RBM15B: variants seen among roughly 807,000 people sequenced by gnomAD.
RBM15B encodes putative RNA-binding protein 15B.
Under a neutral mutation model 53.3 loss-of-function variants are expected in RBM15B, and 11 were observed. The observed-to-expected ratio is 0.21, with a 90% CI of 0.13 to 0.34. The LOEUF is 0.34. Among genes scored for constraint, RBM15B ranks in the 10% least tolerant of loss-of-function variants. The pLI, the probability that RBM15B is intolerant of heterozygous loss-of-function variation, is 1.00. For synonymous variants in RBM15B, 631 were observed against 540.7 expected (o/e 1.17, Z -2.32); for missense variants, 1,136 against 1,250.3 (o/e 0.91, Z 1.38).
Position 51,392,086 on chromosome 3 carries a change from T to TAGC in RBM15B, c.697_699dup (p.Ser233dup), listed in dbSNP as rs782380468. ...GCGGCGGCGGGAGCAGTCGGCGAAG[T>TAGC]AGCAGCAGCAGCGCCGCCGCTTCCA... On this transcript the variant is annotated inframe_insertion, in exon 1 of 1. Transcript: ENST00000563281. This position sits in a 1 kb window ranked among gnomAD's most constrained non-coding sequence, Gnocchi z 7.5. The TAGC allele has an allele frequency of 1.9e-6, 3 of 1,551,556 alleles. No homozygotes were observed. The highest frequency in any genetic ancestry group is 4.9e-5 in the East Asian group (2 of 41,202).
rs1553621861 is a variant in RBM15B at position 51,392,974 on chromosome 3, C to A, written c.1575C>A (p.Ala525=). 11 of 1,613,750 alleles carry A rather than the reference C, an allele frequency of 6.8e-6. No individual in the cohort carries two copies. Among genetic ancestry groups the A allele is most frequent in the Non-Finnish European group, 8.5e-6 (10 of 1,179,980 alleles). Residue 525 remains alanine (A), a synonymous_variant, in exon 1 of 1, where the codon GCC becomes GCA. Transcript: ENST00000563281. This position sits in a 1 kb window ranked among gnomAD's most constrained non-coding sequence, Gnocchi z 7.5. ...ACACCCGGCACCGCAACCTGGACGC[C>A]GACCTGGTGCGGGACAGGACGCCCC... ...DGYTRHRNLD[A]DLVRDRTPPH...
rs1373879906 is a variant in RBM15B, at chr3:51,391,338, C to T, written c.-62C>T. The T allele has an allele frequency of 1.4e-5, 16 of 1,174,908 alleles. No homozygotes were observed. Among genetic ancestry groups the T allele is most frequent in the Non-Finnish European group, 1.3e-5 (12 of 951,518 alleles). The allele number at this position is 1,174,908 out of a possible 1,614,324, so 72.8% of individuals were successfully genotyped here. On this transcript the variant is annotated 5_prime_UTR_variant, in exon 1 of 1. Coordinates refer to ENST00000563281, the MANE Select transcript of RBM15B (RefSeq NM_013286.5). This position sits in a 1 kb window ranked among gnomAD's most constrained non-coding sequence, Gnocchi z 4.5. ...GCGCCGGGGGCGCTGCCTCCTCGGC[C>T]GCCGCCTCCGCCGCCGCCGCTGTGA...
In RBM15B at chr3:51,397,470, T is replaced by C. The variant is rs2089279202; in HGVS notation, c.*3398T>C. The C allele has an allele frequency of 6.0e-6, 1 of 167,036 alleles. No homozygotes were observed. Among genetic ancestry groups the C allele is most frequent in the Non-Finnish European group, 1.5e-5 (1 of 68,108 alleles). 10.3% of individuals were successfully genotyped at this position (167,036 alleles called of 1,614,324 possible). A position where few individuals can be genotyped will look rare whatever the true frequency, so the allele number is the denominator to read the frequency against. The stretch of plus-strand genomic sequence containing the variant: ...CCAGCTACAGAGACGGCCGAAATGC[T>C]TTCACTCCTTAGCTTTGCCAACTCC... On this transcript the variant is annotated 3_prime_UTR_variant, in exon 1 of 1. Coordinates refer to ENST00000563281, the MANE Select transcript of RBM15B (RefSeq NM_013286.5).
chr3:51,393,769 C>G lies in RBM15B; in HGVS notation c.2370C>G (p.Gly790=). 6.2e-7 allele frequency: 1 copy of G among 1,613,872 alleles called. No homozygotes were observed. The highest frequency in any genetic ancestry group is 8.5e-7 in the Non-Finnish European group (1 of 1,180,040). Residue 790 remains glycine, a synonymous_variant, in exon 1 of 1, where the codon GGC becomes GGG. Transcript: ENST00000563281. The surrounding 1 kb of genome is among the most constrained non-coding windows in gnomAD (Gnocchi z 5.6). The part of the protein sequence containing the change: ...TRRIKQGSPN[G]YAVLLATQAT... ...GCATCAAGCAGGGGAGCCCCAACGG[C>G]TATGCGGTCCTCTTAGCCACCCAGG...
chr3:51,395,890 T>C lies in RBM15B; in HGVS notation c.*1818T>C. The stretch of plus-strand genomic sequence containing the variant: ...AAGACATGTTAAGCATGTTTATTTA[T>C]TTGCCTGTTTTTGTTTTTTTACTTG... On this transcript the variant is annotated 3_prime_UTR_variant, in exon 1 of 1. Transcript: ENST00000563281. 1 of 413,520 alleles carries C rather than the reference T, an allele frequency of 2.4e-6. No individual in the cohort carries two copies. Among genetic ancestry groups the C allele is most frequent in the Non-Finnish European group, 4.4e-6 (1 of 226,146 alleles). 25.6% of individuals were successfully genotyped at this position (413,520 alleles called of 1,614,324 possible).
Position 51,392,186 on chromosome 3 carries a change from C to G in RBM15B, c.787C>G (p.Gln263Glu), listed in dbSNP as rs1396941186. 10 of 1,540,222 alleles carry G rather than the reference C, an allele frequency of 6.5e-6. No individual in the cohort carries two copies. Among genetic ancestry groups the G allele is most frequent in the Non-Finnish European group, 8.7e-6 (10 of 1,147,748 alleles). Residue 263 changes from glutamine (Q) to glutamate (E), a missense_variant, in exon 1 of 1, where the codon CAG becomes GAG. This residue lies in a region of RBM15B where 204 missense variants were observed against 196.8 expected (regional missense o/e 1.04). Coordinates refer to ENST00000563281, the MANE Select transcript of RBM15B (RefSeq NM_013286.5). The surrounding 1 kb of genome is among the most constrained non-coding windows in gnomAD (Gnocchi z 7.5). ...LPLHGGYQYKQRSLSPVAAPP... is the reference protein window; with the variant it reads ...LPLHGGYQYKERSLSPVAAPP... The stretch of plus-strand genomic sequence containing the variant: ...GCTACACGGAGGCTACCAGTACAAG[C>G]AGCGCTCGCTGTCCCCCGTCGCTGC...
Position 51,393,208 on chromosome 3 carries a change from T to C in RBM15B, c.1809T>C (p.Arg603=). The change falls in exon 1 of 1, where the codon CGT becomes CGC. Residue 603 remains arginine, a synonymous_variant. Transcript: ENST00000563281. This position sits in a 1 kb window ranked among gnomAD's most constrained non-coding sequence, Gnocchi z 5.6. ...RRKRRSLSSD[R]GRTTHSPYEE... ...AACGGAGAAGCCTTTCCAGTGACCG[T>C]GGGAGGACAACCCATTCACCATATG... 6.2e-7 allele frequency: 1 copy of C among 1,613,824 alleles called. No individual in the cohort carries two copies. Among genetic ancestry groups the C allele is most frequent in the Non-Finnish European group, 8.5e-7 (1 of 1,179,864 alleles).
In RBM15B at chr3:51,392,460, G is replaced by A. The variant is rs1034897590; in HGVS notation, c.1061G>A (p.Arg354Gln). 2.4e-5 allele frequency: 38 copies of A among 1,613,902 alleles called. No homozygotes were observed. The highest frequency in any genetic ancestry group is 2.9e-5 in the Non-Finnish European group (34 of 1,180,052). Reference protein sequence around the residue: ...LDHSVSEVELRRAFEKYGIIE... With the variant: ...LDHSVSEVELQRAFEKYGIIE... ...CACAGCGTATCTGAGGTGGAGCTGC[G>A]AAGGGCCTTCGAGAAATATGGCATC... Residue 354 changes from arginine to glutamine, a missense_variant, in exon 1 of 1, where the codon CGA becomes CAA. Around this residue, in one of 7 missense-constraint regions of RBM15B, gnomAD observed 40 missense variants for 74.2 expected, o/e 0.54. Transcript: ENST00000563281. The surrounding 1 kb of genome is among the most constrained non-coding windows in gnomAD (Gnocchi z 7.5).
At position 51,393,920 on chromosome 3, in the gene RBM15B, G is replaced by C; in HGVS notation, c.2521G>C (p.Val841Leu). 6.5e-7 allele frequency: 1 copy of C among 1,541,608 alleles called. No homozygotes were observed. Among genetic ancestry groups the C allele is most frequent in the Non-Finnish European group, 8.7e-7 (1 of 1,145,588 alleles). ...KQAAGVISLP[V>L]GGSKGRDGTG... ...GGCCGCAGGGGTGATCAGCTTGCCA[G>C]TGGGGGGGTCCAAGGGCAGAGACGG... The change falls in exon 1 of 1, where the codon GTG becomes CTG. Residue 841 changes from valine to leucine, a missense_variant. Around this residue, in one of 7 missense-constraint regions of RBM15B, gnomAD observed 578 missense variants for 581.6 expected, o/e 0.99. Transcript: ENST00000563281. This position sits in a 1 kb window ranked among gnomAD's most constrained non-coding sequence, Gnocchi z 5.6.
At position 51,394,200 on chromosome 3, in the gene RBM15B, G is replaced by C; in HGVS notation, c.*128G>C. ...GGTTATTTTGGTTCATTTGGGTGGG[G>C]ATCAAAGTCCTGTCCACCACCAAAA... is the stretch of plus-strand genomic sequence containing the variant. On this transcript the variant is annotated 3_prime_UTR_variant, in exon 1 of 1. Transcript: ENST00000563281. 1 of 1,216,166 alleles carries C rather than the reference G, an allele frequency of 8.2e-7. No homozygotes were observed. The highest frequency in any genetic ancestry group is 3.1e-5 in the East Asian group (1 of 32,486). 75.3% of individuals were successfully genotyped at this position (1,216,166 alleles called of 1,614,324 possible). A position where few individuals can be genotyped will look rare whatever the true frequency, so the allele number is the denominator to read the frequency against.
In RBM15B at chr3:51,394,015, A is replaced by T. The variant is rs782683512; in HGVS notation, c.2616A>T (p.Thr872=). 1.3e-6 allele frequency: 2 copies of T among 1,491,108 alleles called. No individual in the cohort carries two copies. Among genetic ancestry groups the T allele is most frequent in the Non-Finnish European group, 1.8e-6 (2 of 1,120,000 alleles). The allele number at this position is 1,491,108 out of a possible 1,614,324, so 92.4% of individuals were successfully genotyped here. Residue 872 remains threonine, a synonymous_variant, in exon 1 of 1, where the codon ACA becomes ACT. Coordinates refer to ENST00000563281, the MANE Select transcript of RBM15B (RefSeq NM_013286.5). ...SQQYLQSALR[T]LGKLEEEHMV... The stretch of plus-strand genomic sequence containing the variant: ...AGTACCTCCAGTCAGCACTAAGGAC[A>T]TTGGGCAAGCTAGAAGAAGAACACA...
rs1235371662 is a variant in RBM15B at position 51,396,829 on chromosome 3, T to C, written c.*2757T>C. The C allele has an allele frequency of 1.2e-5, 2 of 167,142 alleles. No homozygotes were observed. The highest frequency in any genetic ancestry group is 2.9e-5 in the Non-Finnish European group (2 of 68,140). 10.4% of individuals were successfully genotyped at this position (167,142 alleles called of 1,614,324 possible). A position where few individuals can be genotyped will look rare whatever the true frequency, so the allele number is the denominator to read the frequency against. On this transcript the variant is annotated 3_prime_UTR_variant, in exon 1 of 1. Transcript: ENST00000563281. ...CGTTGAGTTAATGACTAGAATATAG[T>C]GCTTTCACTACTTGATTGTTAACCT...
Position 51,395,925 on chromosome 3 carries a change from C to T in RBM15B, c.*1853C>T. 1 of 413,460 alleles carries T rather than the reference C, an allele frequency of 2.4e-6. No homozygotes were observed. The highest frequency in any genetic ancestry group is 4.4e-6 in the Non-Finnish European group (1 of 226,142). 25.6% of individuals were successfully genotyped at this position (413,460 alleles called of 1,614,324 possible). ...TTTGTTTTTTTACTTGAGCTGTGGTCACAGCTGCCAGGTACCTAAGCAAGT... is the reference window on the plus strand; with the variant it reads ...TTTGTTTTTTTACTTGAGCTGTGGTTACAGCTGCCAGGTACCTAAGCAAGT... On this transcript the variant is annotated 3_prime_UTR_variant, in exon 1 of 1. Coordinates refer to ENST00000563281, the MANE Select transcript of RBM15B (RefSeq NM_013286.5).
rs888870193 is a variant in RBM15B at position 51,394,149 on chromosome 3, A to G, written c.*77A>G. On this transcript the variant is annotated 3_prime_UTR_variant, in exon 1 of 1. Coordinates refer to ENST00000563281, the MANE Select transcript of RBM15B (RefSeq NM_013286.5). ...TAAAATCTGATCCCCTCTCTACCCT[A>G]CCACTTTGGTTTGAATTATCTCCTG... is the stretch of plus-strand genomic sequence containing the variant. 2.4e-5 allele frequency: 31 copies of G among 1,318,462 alleles called. No individual in the cohort carries two copies. The highest frequency in any genetic ancestry group is 1.7e-5 in the Non-Finnish European group (17 of 1,026,014). 81.7% of individuals were successfully genotyped at this position (1,318,462 alleles called of 1,614,324 possible).
In RBM15B at chr3:51,392,521, C is replaced by G; in HGVS notation, c.1122C>G (p.Gly374=). Residue 374 remains glycine (G), a synonymous_variant, in exon 1 of 1, where the codon GGC becomes GGG. Coordinates refer to ENST00000563281, the MANE Select transcript of RBM15B (RefSeq NM_013286.5). This position sits in a 1 kb window ranked among gnomAD's most constrained non-coding sequence, Gnocchi z 7.5. The stretch of plus-strand genomic sequence containing the variant: ...TGGTCATCAAGAGGCCTGCCCGTGG[C>G]CAGGGCGGTGCCTATGCCTTCCTCA... ...EEVVIKRPAR[G]QGGAYAFLKF... The G allele has an allele frequency of 1.2e-6, 2 of 1,613,844 alleles. No homozygotes were observed. The highest frequency in any genetic ancestry group is 1.7e-6 in the Non-Finnish European group (2 of 1,180,006).
chr3:51,392,635 C>T lies in RBM15B; in HGVS notation c.1236C>T (p.Gly412=), dbSNP rs200311972. The T allele has an allele frequency of 3.1e-5, 50 of 1,614,014 alleles. No homozygotes were observed. Among genetic ancestry groups the T allele is most frequent in the East Asian group, 1.3e-4 (6 of 44,886 alleles). ...GCAACCCCATTAAGATAGGCTATGG[C>T]AAGGCCAACCCCACCACTCGTCTCT... ...IGRNPIKIGY[G]KANPTTRLWV... is the part of the protein sequence containing the mutation. Residue 412 remains glycine (G), a synonymous_variant, in exon 1 of 1, where the codon GGC becomes GGT. Transcript: ENST00000563281. The surrounding 1 kb of genome is among the most constrained non-coding windows in gnomAD (Gnocchi z 7.5).
At position 51,394,125 on chromosome 3, in the gene RBM15B, A is replaced by G. The variant is rs1219625528; in HGVS notation, c.*53A>G. 1 of 1,377,774 alleles carries G rather than the reference A, an allele frequency of 7.3e-7. No individual in the cohort carries two copies. Among genetic ancestry groups the G allele is most frequent in the Non-Finnish European group, 9.4e-7 (1 of 1,059,904 alleles). 85.3% of individuals were successfully genotyped at this position (1,377,774 alleles called of 1,614,324 possible). ...TTTGTGTCACAAAAGCAGTTATTTT[A>G]AAATCTGATCCCCTCTCTACCCTAC... is the stretch of plus-strand genomic sequence containing the variant. On this transcript the variant is annotated 3_prime_UTR_variant, in exon 1 of 1. Transcript: ENST00000563281.
Position 51,392,269 on chromosome 3 carries a change from C to CGCT in RBM15B, c.876_878dup (p.Ala295dup), listed in dbSNP as rs782030223. ...CCGCCGCAGCCTTCGCCCTGGATGC[C>CGCT]GCTGCTGCCGCCGCCGTGGGACTGT... On this transcript the variant is annotated inframe_insertion, in exon 1 of 1. Coordinates refer to ENST00000563281, the MANE Select transcript of RBM15B (RefSeq NM_013286.5). The surrounding 1 kb of genome is among the most constrained non-coding windows in gnomAD (Gnocchi z 7.5). The CGCT allele has an allele frequency of 3.9e-5, 63 of 1,601,824 alleles. No individual in the cohort carries two copies. Among genetic ancestry groups the CGCT allele is most frequent in the South Asian group, 3.8e-4 (34 of 90,610 alleles).
chr3:51,395,769 G>T lies in RBM15B; in HGVS notation c.*1697G>T. On this transcript the variant is annotated 3_prime_UTR_variant, in exon 1 of 1. Coordinates refer to ENST00000563281, the MANE Select transcript of RBM15B (RefSeq NM_013286.5). ...GTGGAGAGGTCATGCTGGTCCACAG[G>T]AACACTTGGCAGTGCTCTCGTAGAC... The T allele has an allele frequency of 2.4e-6, 1 of 413,490 alleles. No individual in the cohort carries two copies. The highest frequency in any genetic ancestry group is 1.3e-4 in the South Asian group (1 of 7,852). The allele number at this position is 413,490 out of a possible 1,614,324, so 25.6% of individuals were successfully genotyped here. A position where few individuals can be genotyped will look rare whatever the true frequency, so the allele number is the denominator to read the frequency against.
Sources: allele counts gnomAD v4.1 joint callset, GRCh38; gene constraint gnomAD v4.1.1; regional missense constraint gnomAD v4.1.1; non-coding constraint Gnocchi (gnomAD v3.1); transcripts MANE v1.5; gene names NCBI Gene and HGNC (gene_info 2026-07-23, HGNC 2026-07-21).